MFF: variants seen among roughly 807,000 people sequenced by gnomAD.
The protein encoded by MFF is mitochondrial fission factor.
A neutral mutation model predicts 36.9 loss-of-function variants in MFF; 12 were observed. The observed-to-expected ratio is 0.33, with a 90% CI of 0.21 to 0.53. MFF has a LOEUF of 0.53. Ranked by LOEUF, MFF falls within the 20% of genes least tolerant of loss-of-function variation. The pLI, the probability that MFF is intolerant of heterozygous loss-of-function variation, is 0.95. For synonymous variants in MFF, 99 were observed against 126.2 expected, an observed-to-expected ratio of 0.78 and a Z score of 1.44; for missense variants, 348 against 366.6, an observed-to-expected ratio of 0.95 and a Z score of 0.42.
intron 4 of MFF, among the ~76,000 whole-genome samples, chr2:227,338,154 G>A (rs2075143315): frequency 6.6e-6 from 1 of 151,492 alleles, no homozygotes; most frequent in East Asian, 2.0e-4. Flanking sequence ...GATTACTTGA[G>A]GTTAGGAGTT....
chr2:227,352,981 C>CA (rs778707523), intron 7 of MFF, among the ~76,000 whole-genome samples: 46 of 152,142 alleles, frequency 3.0e-4, no homozygotes, highest in Non-Finnish European at 6.5e-4. Context: ...AGTGTGTGAA[C>CA]AAACCTGTCT....
intron 5 of MFF, among the ~76,000 whole-genome samples, chr2:227,343,412 T>C (rs2075524282): frequency 1.3e-5 from 2 of 152,212 alleles, no homozygotes. Flanking sequence ...GCTAATACAC[T>C]TCTTAAGCAA....
chr2:227,353,618 G>A (rs1259943372), intron 7 of MFF, among the ~76,000 whole-genome samples: 1 of 152,160 alleles, frequency 6.6e-6, no homozygotes, highest in African/African-American at 2.4e-5. Context: ...TTTTCAGCCA[G>A]TGGTCTAACT....
In MFF at chr2:227,352,590, C is replaced by G. The variant is rs373243300; in HGVS notation, c.659+17C>G. On this transcript the variant is annotated intron_variant, in intron 7 of 8. Transcript: ENST00000304593. ...CAACGTCAGGTAAATTTTGAGACTT[C>G]GTAATTACCAGGGTAAATGCTTGGC... The G allele has an allele frequency of 1.4e-6, 2 of 1,444,212 alleles. No homozygotes were observed. Among genetic ancestry groups the G allele is most frequent in the African/African-American group, 3.7e-5 (2 of 54,380 alleles). 89.5% of individuals were successfully genotyped at this position (1,444,212 alleles called of 1,614,324 possible). A position where few individuals can be genotyped will look rare whatever the true frequency, so the allele number is the denominator to read the frequency against.
intron 4 of MFF, among the ~76,000 whole-genome samples, chr2:227,333,344 G>C (rs1253287831): frequency 1.3e-5 from 2 of 152,126 alleles, no homozygotes; most frequent in Non-Finnish European, 2.9e-5. Context: ...TCTAGGATTA[G>C]GTTCTTAGAT....
chr2:227,349,073 C>T (rs888297788), intron 6 of MFF, among the ~76,000 whole-genome samples: 1 of 151,960 alleles, frequency 6.6e-6, no homozygotes, highest in East Asian at 1.9e-4. Flanking sequence ...AATGCTATTA[C>T]ATTTAAAATA....
Position 227,347,334 on chromosome 2 carries a change from T to C in MFF, c.549T>C (p.Ser183=). The C allele has an allele frequency of 6.2e-7, 1 of 1,613,850 alleles. No individual in the cohort carries two copies. The highest frequency in any genetic ancestry group is 8.5e-7 in the Non-Finnish European group (1 of 1,179,774). The change falls in exon 6 of 9, where the codon TCT becomes TCC. Residue 183 remains serine (S), a synonymous_variant. Coordinates refer to ENST00000304593, the MANE Select transcript of MFF (RefSeq NM_001277062.2). ...ARGILSLIQS[S]TRRAYQQILD... is the part of the protein sequence containing the mutation. Reference sequence around the variant, plus strand: ...GCATTTTGTCGCTTATCCAGTCTTCTACTCGTAGGGCATACCAGCAGATCT... The same window carrying C: ...GCATTTTGTCGCTTATCCAGTCTTCCACTCGTAGGGCATACCAGCAGATCT...
At chr2:227,351,283 T>G (rs2075982661) in intron 6 of MFF, among the ~76,000 whole-genome samples, 1 of 152,172 alleles carries the variant, frequency 6.6e-6, no homozygotes, top group Non-Finnish European at 1.5e-5. Flanking sequence ...CCCCAAAAAG[T>G]CTCTGAATCC....
intron 4 of MFF, 84 bp from the exon 5 acceptor site, chr2:227,340,208 T>G: frequency 2.7e-6 from 3 of 1,102,522 alleles, no homozygotes; most frequent in Middle Eastern, 2.0e-4. Context: ...TGAGTAGCCT[T>G]GTATCGAGGT....
At chr2:227,350,989 C>G (rs765400820) in intron 6 of MFF, among the ~76,000 whole-genome samples, 18 of 152,210 alleles carry the variant, frequency 1.2e-4, no homozygotes, top group Admixed American at 1.0e-3. Context: ...TATTTTCTGG[C>G]TCTGCGTTAT....
intron 4 of MFF, among the ~76,000 whole-genome samples, chr2:227,334,850 T>C (rs2074866726): frequency 6.6e-6 from 1 of 152,136 alleles, no homozygotes; most frequent in African/African-American, 2.4e-5. Context: ...TCTAGCCATA[T>C]AGTAACTCTT....
intron 5 of MFF, 200 bp from the exon 6 acceptor site, chr2:227,347,026 A>G: frequency 2.1e-6 from 1 of 478,742 alleles, no homozygotes; most frequent in Non-Finnish European, 3.7e-6. Context: ...TAGGGTTACA[A>G]AGTTATAAGT....
At chr2:227,334,878 T>A (rs1271014957) in intron 4 of MFF, among the ~76,000 whole-genome samples, 2 of 151,920 alleles carry the variant, frequency 1.3e-5, no homozygotes, top group Non-Finnish European at 2.9e-5. Flanking sequence ...CATAAAAAAA[T>A]GAGGTACTGG....
intron 3 of MFF, among the ~76,000 whole-genome samples, chr2:227,332,183 G>C (rs568480337): frequency 6.6e-6 from 1 of 150,770 alleles, no homozygotes; most frequent in Non-Finnish European, 1.5e-5. Flanking sequence ...CGTTTTAGCC[G>C]GGATGGTCTC....
rs376328293 is a variant in MFF at position 227,347,319 on chromosome 2, G to A, written c.534G>A (p.Ser178=). 2.4e-5 allele frequency: 39 copies of A among 1,613,572 alleles called. 1 individual carries two copies. The highest frequency in any genetic ancestry group is 2.1e-4 in the African/African-American group (16 of 74,854). The part of the protein sequence containing the change: ...ANLSSARGIL[S]LIQSSTRRAY... ...TTTCCTCTGCTCGTGGCATTTTGTC[G>A]CTTATCCAGTCTTCTACTCGTAGGG... Residue 178 remains serine (S), a synonymous_variant, in exon 6 of 9, where the codon TCG becomes TCA. Transcript: ENST00000304593.
chr2:227,350,150 G>A (rs1352092578), intron 6 of MFF, among the ~76,000 whole-genome samples: 1 of 152,120 alleles, frequency 6.6e-6, no homozygotes, highest in Non-Finnish European at 1.5e-5. Context: ...GTACATGTTA[G>A]AAAAGTTTAT....
intron 5 of MFF, among the ~76,000 whole-genome samples, chr2:227,341,138 G>A (rs758892090): frequency 1.3e-5 from 2 of 152,072 alleles, no homozygotes; most frequent in African/African-American, 4.8e-5. Flanking sequence ...TAGAAGCAAA[G>A]CATTTAATTT....
chr2:227,329,923 T>A (rs10205672), intron 2 of MFF: 8 of 410,496 alleles, frequency 1.9e-5, no homozygotes, highest in South Asian at 4.5e-5. Flanking sequence ...TCTACTGCAT[T>A]AAAAAAAAAA....
chr2:227,356,589 C>T (rs2106478054), intron 8 of MFF, among the ~76,000 whole-genome samples: 1 of 152,236 alleles, frequency 6.6e-6, no homozygotes, highest in African/African-American at 2.4e-5. Context: ...GGTTGAGTGA[C>T]AAGTTCATAG....
Sources: gnomAD v4.1 joint callset for allele counts (sites outside exome capture counted in the v4.1 genomes callset) on GRCh38, gnomAD v4.1.1 for gene constraint, MANE v1.5 for transcripts, NCBI Gene and HGNC (gene_info 2026-07-23, HGNC 2026-07-21) for gene names.